OGFOD1: variants seen among roughly 807,000 people sequenced by gnomAD.
The protein encoded by OGFOD1 is 2-oxoglutarate and iron dependent oxygenase domain containing 1.
In OGFOD1, 54 loss-of-function variants were observed where a neutral mutation model predicts 67.7. That is an observed-to-expected ratio of 0.80 (90% CI 0.64 to 1.00). OGFOD1 has a LOEUF of 1.00. OGFOD1 is among the 50% of genes least tolerant of loss of function. OGFOD1 has a pLI of 0.00. For missense variants in OGFOD1, 606 were observed against 646.7 expected (o/e 0.94, Z 0.68); for synonymous variants, 221 against 227.0 (o/e 0.97, Z 0.24).
rs1278246436 is a variant in OGFOD1, at chr16:56,452,400, G to T, written c.154+634G>T. On this transcript the variant is annotated intron_variant, in intron 1 of 12. Coordinates refer to ENST00000566157, the MANE Select transcript of OGFOD1 (RefSeq NM_018233.4). Reference sequence around the variant, plus strand: ...CTCCATGATGTATGAAAATAAACGCGCTTTGACCAAGGAAAGGCGCCTACG... The same window carrying T: ...CTCCATGATGTATGAAAATAAACGCTCTTTGACCAAGGAAAGGCGCCTACG... Among the ~76,000 whole-genome samples, 5 of 152,182 alleles carry T rather than the reference G, an allele frequency of 3.3e-5. No homozygotes were observed. The East Asian group carries it at 5.8e-4, about 18-fold the overall frequency.
intron 4 of OGFOD1, chr16:56,465,657 T>TA (rs1470906062): frequency 1.9e-5 from 3 of 154,232 alleles, no homozygotes. Flanking sequence ...AATTAGTCTT[T>TA]ATAGTAGCCA....
At chr16:56,455,590 T>C (rs1962499276) in intron 2 of OGFOD1, among the ~76,000 whole-genome samples, 1 of 152,180 alleles carries the variant, frequency 6.6e-6, no homozygotes, top group Non-Finnish European at 1.5e-5. Flanking sequence ...TTAATCCTCA[T>C]CCATGCTCTT....
rs190130585 is a variant in OGFOD1 at position 56,471,261 on chromosome 16, C to G, written c.1285+470C>G. Among the ~76,000 whole-genome samples the G allele has an allele frequency of 3.5e-3, 530 of 151,110 alleles. 5 individuals carry two copies. The highest frequency in any genetic ancestry group is 0.013 in the African/African-American group (516 of 41,034). ...CCTGTAATCCAAGCTACTCAGGAGG[C>G]TGAGGTGGAAGAATCACTTGAACCG... On this transcript the variant is annotated intron_variant, in intron 10 of 12. Coordinates refer to ENST00000566157, the MANE Select transcript of OGFOD1 (RefSeq NM_018233.4).
Position 56,475,579 on chromosome 16 carries a change from G to C in OGFOD1, c.1467+14G>C, listed in dbSNP as rs1240433957. Reference sequence around the variant, plus strand: ...GAAGATGAAGAGGTAAGTTTCTTCTGATAGCAAACTATCATTTTTAGTTAT... The same window carrying C: ...GAAGATGAAGAGGTAAGTTTCTTCTCATAGCAAACTATCATTTTTAGTTAT... On this transcript the variant is annotated intron_variant, in intron 12 of 12. Coordinates refer to ENST00000566157, the MANE Select transcript of OGFOD1 (RefSeq NM_018233.4). 1.2e-6 allele frequency: 2 copies of C among 1,610,322 alleles called. No homozygotes were observed. The highest frequency in any genetic ancestry group is 2.2e-5 in the South Asian group (2 of 90,946).
At chr16:56,475,381 T>A in intron 11 of OGFOD1, 126 bp from the exon 12 acceptor site, 1 of 856,422 alleles carries the variant, frequency 1.2e-6, no homozygotes. Flanking sequence ...TCATAAGTCA[T>A]AGAACCAGTT....
In OGFOD1 at chr16:56,474,810, CTTT is replaced by C. The variant is rs746791513; in HGVS notation, c.1286-9_1286-7del. 1.6e-6 allele frequency: 2 copies of C among 1,213,206 alleles called. No homozygotes were observed. The highest frequency in any genetic ancestry group is 2.3e-6 in the Non-Finnish European group (2 of 884,692). 75.2% of individuals were successfully genotyped at this position (1,213,206 alleles called of 1,614,324 possible). On this transcript the variant is annotated splice_polypyrimidine_tract_variant and intron_variant, in intron 10 of 12. Coordinates refer to ENST00000566157, the MANE Select transcript of OGFOD1 (RefSeq NM_018233.4). ...AAGGTTATTTTTTAAAGTTTCTCAT[CTTT>C]TTTTTTTTCCTTAGAATCAAGTGTT... is the stretch of plus-strand genomic sequence containing the variant.
intron 2 of OGFOD1, 190 bp downstream of exon 2, chr16:56,453,598 A>C: frequency 1.9e-6 from 1 of 523,342 alleles, no homozygotes; most frequent in East Asian, 3.2e-5. Flanking sequence ...TGCTATAATT[A>C]TATGGAAGCC....
At position 56,477,807 on chromosome 16, in the gene OGFOD1, C is replaced by G. The variant is rs1963545865; in HGVS notation, c.*1602C>G. ...ACTAATTAATAGAAAAAGCACTGGG[C>G]CTTTAAACTTCTTAACTACTCTTCT... On this transcript the variant is annotated 3_prime_UTR_variant, in exon 13 of 13. Transcript: ENST00000566157. 6.6e-6 allele frequency: 1 copy of G among 152,130 alleles called. No homozygotes were observed. The highest frequency in any genetic ancestry group is 2.1e-4 in the South Asian group (1 of 4,818). 9.4% of individuals were successfully genotyped at this position (152,130 alleles called of 1,614,324 possible).
In OGFOD1 at chr16:56,458,422, C is replaced by G. The variant is rs546082007; in HGVS notation, c.301-126C>G. The G allele has an allele frequency of 8.8e-5, 71 of 807,876 alleles. 1 individual carries two copies. The South Asian group carries it at 9.9e-4, about 11-fold the overall frequency. The allele number at this position is 807,876 out of a possible 1,614,324, so 50.0% of individuals were successfully genotyped here. On this transcript the variant is annotated intron_variant, in intron 2 of 12. Transcript: ENST00000566157. ...GGAGGGGCCCTGTGTTAAACCTAAGCAGCCTGGCTTCAGAGTCTGGGCTCT... is the reference window on the plus strand; with the variant it reads ...GGAGGGGCCCTGTGTTAAACCTAAGGAGCCTGGCTTCAGAGTCTGGGCTCT...
chr16:56,464,511 A>G (rs1225107129), intron 4 of OGFOD1, among the ~76,000 whole-genome samples: 1 of 152,174 alleles, frequency 6.6e-6, no homozygotes, highest in Non-Finnish European at 1.5e-5. Flanking sequence ...TCATTTCTCT[A>G]CATTTATTGT....
At chr16:56,475,914 G>C in intron 12 of OGFOD1, 130 bp from the exon 13 acceptor site, 1 of 786,878 alleles carries the variant, frequency 1.3e-6, no homozygotes, top group Non-Finnish European at 2.0e-6. Context: ...CCTAGTAAGT[G>C]TTCATTCAGA....
chr16:56,473,478 G>A (rs1252613449), intron 10 of OGFOD1, among the ~76,000 whole-genome samples: 9 of 152,118 alleles, frequency 5.9e-5, no homozygotes, highest in African/African-American at 2.2e-4. Context: ...AAGTACAGGT[G>A]ATACATCAAA....
intron 10 of OGFOD1, 88 bp from the exon 11 acceptor site, chr16:56,474,740 G>A (rs937877314): frequency 4.4e-5 from 44 of 993,528 alleles, no homozygotes; most frequent in Non-Finnish European, 5.7e-5. Context: ...CTGTGTTGCT[G>A]TATCATTCCT....
At chr16:56,456,480 G>A (rs1962527661) in intron 2 of OGFOD1, among the ~76,000 whole-genome samples, 1 of 152,172 alleles carries the variant, frequency 6.6e-6, no homozygotes, top group African/African-American at 2.4e-5. Flanking sequence ...CCCCATCACA[G>A]TTAATATCAG....
chr16:56,471,990 C>T (rs2144040665), intron 10 of OGFOD1, among the ~76,000 whole-genome samples: 1 of 152,280 alleles, frequency 6.6e-6, no homozygotes, highest in Middle Eastern at 3.4e-3. Flanking sequence ...GAGACACGGT[C>T]TTGCACTGTC....
intron 4 of OGFOD1, among the ~76,000 whole-genome samples, chr16:56,463,782 C>T (rs999517666): frequency 6.6e-6 from 1 of 150,474 alleles, no homozygotes; most frequent in African/African-American, 2.5e-5. Context: ...AAGCATAGTA[C>T]AAATAATTTA....
chr16:56,454,118 C>T (rs1369320685), intron 2 of OGFOD1, among the ~76,000 whole-genome samples: 5 of 152,060 alleles, frequency 3.3e-5, no homozygotes, highest in African/African-American at 7.2e-5. Context: ...GAGGCCAAGG[C>T]GGGTAGATCG....
chr16:56,458,038 A>G (rs140266856), intron 2 of OGFOD1: 1 of 159,274 alleles, frequency 6.3e-6, no homozygotes, highest in African/African-American at 2.4e-5. Flanking sequence ...TGCTCTTGCA[A>G]TAGCTGGAAT....
rs747823094 is a variant in OGFOD1, at chr16:56,451,783, AG to A, written c.154+20del. ...TCAGTCACGGTAACCGGGTGCTCTC[AG>A]GGAGGGGCCGCCACGCAGAGGTCTA... is the stretch of plus-strand genomic sequence containing the variant. On this transcript the variant is annotated intron_variant, in intron 1 of 12. Transcript: ENST00000566157. 6.7e-5 allele frequency: 108 copies of A among 1,610,752 alleles called. No homozygotes were observed. The highest frequency in any genetic ancestry group is 8.4e-5 in the Non-Finnish European group (99 of 1,179,146).
Sources: gnomAD v4.1 joint callset for allele counts (sites outside exome capture counted in the v4.1 genomes callset) on GRCh38, gnomAD v4.1.1 for gene constraint, MANE v1.5 for transcripts, NCBI Gene and HGNC (gene_info 2026-07-23, HGNC 2026-07-21) for gene names.